The following SPATA16 variants were observed in gnomAD, a reference collection of about 807,000 sequenced individuals.
SPATA16 encodes spermatogenesis associated 16, also known as spermatogenesis-associated protein 16.
Under a neutral mutation model 63.3 loss-of-function variants are expected in SPATA16, and 36 were observed. The observed-to-expected ratio is 0.57, with a 90% confidence interval of 0.44 to 0.75. SPATA16 has a LOEUF of 0.75. Ranked by LOEUF, SPATA16 falls within the 30% of genes least tolerant of loss-of-function variation. SPATA16 has a pLI of 0.00. For synonymous variants in SPATA16, 203 were observed against 216.7 expected (o/e 0.94, Z 0.56); for missense variants, 646 against 679.3 (o/e 0.95, Z 0.54).
chr3:172,912,746 T>A (rs534679993), intron 10 of SPATA16, among the ~76,000 whole-genome samples: 1 of 152,346 alleles, frequency 6.6e-6, no homozygotes, highest in Non-Finnish European at 1.5e-5. Context: ...ATCAACGCTT[T>A]ATGTTACCAT....
rs34537715 is a variant in SPATA16 at position 173,075,156 on chromosome 3, TA to T, written c.613-26063del. 9.2e-3 allele frequency among the ~76,000 whole-genome samples: 1,289 copies of T among 139,364 alleles called. 7 individuals are homozygous for T. Among genetic ancestry groups the T allele is most frequent in the African/African-American group, 0.021 (808 of 37,604 alleles). The allele number at this position is 139,364 out of a possible 152,430, so 91.4% of individuals were successfully genotyped here. On this transcript the variant is annotated intron_variant, in intron 2 of 10. Coordinates refer to ENST00000351008, the MANE Select transcript of SPATA16 (RefSeq NM_031955.6). Reference sequence around the variant, plus strand: ...GAATCTAAAATAAAAGTTGAAATTATAAAAAAAAAAGGCCTTCATGGAGAAA... The same window carrying T: ...GAATCTAAAATAAAAGTTGAAATTATAAAAAAAAAGGCCTTCATGGAGAAA...
At chr3:172,922,063 A>G (rs1732625805) in intron 8 of SPATA16, among the ~76,000 whole-genome samples, 1 of 152,244 alleles carries the variant, frequency 6.6e-6, no homozygotes, top group Non-Finnish European at 1.5e-5. Context: ...GGTACCGTGT[A>G]GGAATAATTT....
chr3:172,931,328 A>G (rs995203528), intron 6 of SPATA16, among the ~76,000 whole-genome samples: 1 of 152,120 alleles, frequency 6.6e-6, no homozygotes, highest in African/African-American at 2.4e-5. Context: ...GTAACCTTGA[A>G]CTTCAGGGCT....
chr3:173,054,009 A>C (rs1736158706), intron 2 of SPATA16, among the ~76,000 whole-genome samples: 1 of 152,048 alleles, frequency 6.6e-6, no homozygotes, highest in Non-Finnish European at 1.5e-5. Context: ...TTTACACTAT[A>C]TCAACATAAA....
intron 2 of SPATA16, among the ~76,000 whole-genome samples, chr3:173,069,949 A>G (rs941370784): frequency 1.5e-5 from 2 of 131,228 alleles, no homozygotes; most frequent in South Asian, 2.6e-4. Context: ...CCTTCATGAT[A>G]AAAAGACGAA....
intron 2 of SPATA16, among the ~76,000 whole-genome samples, chr3:173,071,201 A>G (rs1256407531): frequency 6.6e-6 from 1 of 152,210 alleles, no homozygotes; most frequent in Admixed American, 6.5e-5. Flanking sequence ...CCAAGAACAT[A>G]CATTGGGTAA....
At chr3:172,983,206 ACCC>A (rs933768181) in intron 4 of SPATA16, among the ~76,000 whole-genome samples, 4 of 152,158 alleles carry the variant, frequency 2.6e-5, no homozygotes, top group Non-Finnish European at 4.4e-5. Flanking sequence ...TGTTAATGCA[ACCC>A]AACTACACCG....
At chr3:172,905,284 G>T (rs1372623568) in intron 10 of SPATA16, among the ~76,000 whole-genome samples, 2 of 152,122 alleles carry the variant, frequency 1.3e-5, no homozygotes, top group Non-Finnish European at 1.5e-5. Flanking sequence ...CTGCTGGAAA[G>T]ACTGCTTTGC....
intron 6 of SPATA16, among the ~76,000 whole-genome samples, chr3:172,956,467 A>G (rs1733597397): frequency 6.6e-6 from 1 of 152,176 alleles, no homozygotes; most frequent in Non-Finnish European, 1.5e-5. Flanking sequence ...TTCTTAAAAT[A>G]TAGAAATATG....
At chr3:172,958,668 G>T (rs1325478670) in intron 5 of SPATA16, among the ~76,000 whole-genome samples, 2 of 152,184 alleles carry the variant, frequency 1.3e-5, no homozygotes, top group Non-Finnish European at 2.9e-5. Context: ...CTGGAGACTG[G>T]AAGTCCAAGA....
At chr3:172,926,015 G>A (rs1434372087) in intron 6 of SPATA16, among the ~76,000 whole-genome samples, 12 of 151,814 alleles carry the variant, frequency 7.9e-5, no homozygotes, top group African/African-American at 2.4e-4. Context: ...TAGTAGAGAC[G>A]GGATTTCACC....
chr3:173,018,564 G>A (rs929095744), intron 4 of SPATA16, among the ~76,000 whole-genome samples: 1 of 151,858 alleles, frequency 6.6e-6, no homozygotes. Flanking sequence ...GCTTGACACA[G>A]TGTCAATTTT....
At chr3:172,938,840 C>T (rs1415011739) in intron 6 of SPATA16, among the ~76,000 whole-genome samples, 5 of 122,312 alleles carry the variant, frequency 4.1e-5, no homozygotes, top group Non-Finnish European at 6.7e-5. Flanking sequence ...CCCACCCCCC[C>T]GCAACAAATG....
intron 4 of SPATA16, among the ~76,000 whole-genome samples, chr3:173,016,127 C>T (rs16846411): frequency 0.017 from 2,609 of 152,242 alleles, 68 homozygotes; most frequent in African/African-American, 0.059. Context: ...CAGCCATCTC[C>T]GCAATGTGAC....
At chr3:173,095,176 C>T (rs1348694260) in intron 2 of SPATA16, among the ~76,000 whole-genome samples, 1 of 152,016 alleles carries the variant, frequency 6.6e-6, no homozygotes, top group Non-Finnish European at 1.5e-5. Flanking sequence ...GGCTAATGGT[C>T]GACCTACTTC....
chr3:172,989,109 C>T (rs1734522129), intron 4 of SPATA16, among the ~76,000 whole-genome samples: 1 of 152,102 alleles, frequency 6.6e-6, no homozygotes, highest in Non-Finnish European at 1.5e-5. Context: ...CCAATGTGTT[C>T]TGCTTGTACT....
chr3:172,913,840 C>G (rs1732423783), intron 9 of SPATA16, 96 bp from the exon 10 acceptor site: 1 of 1,071,674 alleles, frequency 9.3e-7, no homozygotes, highest in Non-Finnish European at 1.4e-6. Flanking sequence ...ATCATTTGTA[C>G]GCTGATGATT....
rs1737627493 is a variant in SPATA16, at chr3:173,106,575, C to T, written c.612+10545G>A. Among the ~76,000 whole-genome samples, 3 of 152,166 alleles carry T rather than the reference C, an allele frequency of 2.0e-5. No individual in the cohort carries two copies. The South Asian group carries it at 6.2e-4, about 32-fold the overall frequency. On this transcript the variant is annotated intron_variant, in intron 2 of 10. Coordinates refer to ENST00000351008, the MANE Select transcript of SPATA16 (RefSeq NM_031955.6). ...TTCCCAGTGGATCCATTTGTCATAA[C>T]TTTCCTGCCCAAGAACTCACCTATT...
At chr3:173,119,831 G>A (rs933750618) in intron 1 of SPATA16, among the ~76,000 whole-genome samples, 13 of 152,078 alleles carry the variant, frequency 8.5e-5, no homozygotes, top group African/African-American at 2.9e-4. Context: ...GGCCAGGCGC[G>A]ATGGCTTGGC....
Sources: allele counts gnomAD v4.1 joint callset (sites outside exome capture counted in the v4.1 genomes callset), GRCh38; gene constraint gnomAD v4.1.1; transcripts MANE v1.5; gene names NCBI Gene and HGNC (gene_info 2026-07-23, HGNC 2026-07-21).